FAM171A1: variants seen among roughly 807,000 people sequenced by gnomAD.
The protein encoded by FAM171A1 is family with sequence similarity 171 member A1.
A neutral mutation model predicts 74.9 loss-of-function variants in FAM171A1; 23 were observed. The observed-to-expected ratio is 0.31, with a 90% CI of 0.22 to 0.44. The LOEUF (loss-of-function observed/expected upper bound fraction) is 0.44, where lower values mean the gene tolerates loss of function less well. Among genes scored for constraint, FAM171A1 ranks in the 20% least tolerant of loss-of-function variants. The pLI is 1.00. For missense variants in FAM171A1, 1,162 were observed against 1,159.2 expected (o/e 1.00, Z -0.03); for synonymous variants, 527 against 505.7 (o/e 1.04, Z -0.57).
At chr10:15,238,668 C>T (rs1052156005) in intron 5 of FAM171A1, among the ~76,000 whole-genome samples, 26 of 152,120 alleles carry the variant, frequency 1.7e-4, no homozygotes, top group Admixed American at 4.6e-4. Flanking sequence ...TAACATTCAC[C>T]GTCTGAAGTG....
At chr10:15,241,664 G>A (rs1834365892) in intron 5 of FAM171A1, 1 of 151,958 alleles carries the variant, frequency 6.6e-6, no homozygotes, top group Non-Finnish European at 1.5e-5. Context: ...CTGACCTGAT[G>A]TTTTGATATA....
intron 1 of FAM171A1, among the ~76,000 whole-genome samples, chr10:15,351,321 A>G (rs756602399): frequency 1.3e-5 from 2 of 152,178 alleles, no homozygotes; most frequent in African/African-American, 2.4e-5. Context: ...TAAGCCCCCA[A>G]GAGAGATGAG....
chr10:15,275,473 T>G (rs1006822130), intron 3 of FAM171A1, among the ~76,000 whole-genome samples: 1 of 151,854 alleles, frequency 6.6e-6, no homozygotes, highest in African/African-American at 2.4e-5. Context: ...TTTTTTGTAT[T>G]TTTAGTAGAG....
intron 5 of FAM171A1, among the ~76,000 whole-genome samples, chr10:15,229,903 CCATCACCACCATCACCAACATCAT>C (rs1834180907): frequency 1.2e-5 from 1 of 81,368 alleles, no homozygotes; most frequent in African/African-American, 4.9e-5. Context: ...ACCATCATCA[CCATCACCACCATCACCAACATCAT>C]CATCATCACC....
intron 2 of FAM171A1, among the ~76,000 whole-genome samples, chr10:15,277,559 G>A (rs923520100): frequency 6.6e-6 from 1 of 152,130 alleles, no homozygotes; most frequent in Non-Finnish European, 1.5e-5. Flanking sequence ...CCATTTCACA[G>A]GTAAGGAAAC....
Position 15,214,335 on chromosome 10 carries a change from G to A in FAM171A1, c.1253C>T (p.Ser418Phe). 6.2e-7 allele frequency: 1 copy of A among 1,612,928 alleles called. No homozygotes were observed. The highest frequency in any genetic ancestry group is 1.1e-5 in the South Asian group (1 of 90,974). Reference sequence around the variant, plus strand: ...GCTAAATTCCTGGGAGGTGCTGTAGGAGAGCTTGAGCATGGGGGTGTGCAG... The same window carrying A: ...GCTAAATTCCTGGGAGGTGCTGTAGAAGAGCTTGAGCATGGGGGTGTGCAG... ...GDLHTPMLKL[S>F]YSTSQEFSSR... Residue 418 changes from serine (S) to phenylalanine (F), a missense_variant, in exon 8 of 8, where the codon TCC becomes TTC. Transcript: ENST00000378116.
At chr10:15,329,382 C>A (rs766290582) in intron 1 of FAM171A1, among the ~76,000 whole-genome samples, 4 of 152,082 alleles carry the variant, frequency 2.6e-5, no homozygotes, top group African/African-American at 9.7e-5. Context: ...GGCTTGGTGG[C>A]GCACAATTGT....
chr10:15,357,721 C>A (rs771254107), intron 1 of FAM171A1, among the ~76,000 whole-genome samples: 1 of 152,072 alleles, frequency 6.6e-6, no homozygotes, highest in Non-Finnish European at 1.5e-5. Flanking sequence ...TTAAAAGGCA[C>A]AGAATATGAT....
intron 6 of FAM171A1, among the ~76,000 whole-genome samples, chr10:15,219,738 C>T (rs183122167): frequency 7.2e-5 from 11 of 152,174 alleles, no homozygotes; most frequent in Admixed American, 2.0e-4. Flanking sequence ...TGTGCCACCA[C>T]GCCCAGCTAA....
At chr10:15,323,710 T>C (rs192720883) in intron 1 of FAM171A1, among the ~76,000 whole-genome samples, 49 of 152,192 alleles carry the variant, frequency 3.2e-4, no homozygotes, top group African/African-American at 1.1e-3. Flanking sequence ...ATCAGAACAG[T>C]TTTGTGAAAA....
At chr10:15,280,026 G>A (rs1486104933) in intron 2 of FAM171A1, among the ~76,000 whole-genome samples, 1 of 152,174 alleles carries the variant, frequency 6.6e-6, no homozygotes, top group Non-Finnish European at 1.5e-5. Flanking sequence ...GGTGGAGGGT[G>A]TAGTGAGCTG....
intron 4 of FAM171A1, among the ~76,000 whole-genome samples, chr10:15,251,142 G>A (rs750336098): frequency 3.9e-5 from 6 of 152,166 alleles, no homozygotes; most frequent in Non-Finnish European, 7.3e-5. Context: ...TGCATCTATG[G>A]AAATAAGTAC....
intron 5 of FAM171A1, among the ~76,000 whole-genome samples, chr10:15,246,080 C>T (rs1199249900): frequency 1.3e-5 from 2 of 152,108 alleles, no homozygotes; most frequent in African/African-American, 2.4e-5. Flanking sequence ...CCTTGATGCC[C>T]CCCAAATTAT....
At chr10:15,330,913 G>A (rs1262773186) in intron 1 of FAM171A1, among the ~76,000 whole-genome samples, 3 of 150,436 alleles carry the variant, frequency 2.0e-5, no homozygotes, top group Non-Finnish European at 4.4e-5. Flanking sequence ...TTTTGAGATG[G>A]AGTCCTCACT....
intron 1 of FAM171A1, among the ~76,000 whole-genome samples, chr10:15,325,084 C>T (rs535027880): frequency 6.6e-6 from 1 of 152,360 alleles, no homozygotes; most frequent in South Asian, 2.1e-4. Flanking sequence ...CTCCCCACTC[C>T]TTTCCTCCTT....
Position 15,286,639 on chromosome 10 carries a change from GA to G in FAM171A1, c.98-2535del, listed in dbSNP as rs80242289. ...TCCTACACTGGGGCAACCATATAGA[GA>G]AGAACTTCTTTTGGTTTGAGAATCT... is the stretch of plus-strand genomic sequence containing the variant. On this transcript the variant is annotated intron_variant, in intron 1 of 7. Transcript: ENST00000378116. 3.1e-3 allele frequency among the ~76,000 whole-genome samples: 478 copies of G among 152,254 alleles called. 9 individuals are homozygous for G. The East Asian group carries it at 0.036, about 11-fold the overall frequency.
chr10:15,303,014 C>A (rs1320745472), intron 1 of FAM171A1, among the ~76,000 whole-genome samples: 1 of 152,092 alleles, frequency 6.6e-6, no homozygotes, highest in Non-Finnish European at 1.5e-5. Context: ...TATGGTGAAA[C>A]CCCGTCTCTA....
intron 5 of FAM171A1, among the ~76,000 whole-genome samples, chr10:15,232,210 T>C (rs1178827727): frequency 1.3e-5 from 2 of 152,190 alleles, no homozygotes; most frequent in Admixed American, 6.5e-5. Context: ...CACTGACCAC[T>C]GTTGCTGCCA....
At chr10:15,222,047 C>T (rs902188774) in intron 5 of FAM171A1, among the ~76,000 whole-genome samples, 3 of 152,138 alleles carry the variant, frequency 2.0e-5, no homozygotes, top group African/African-American at 4.8e-5. Flanking sequence ...CTGAGGCCTG[C>T]GATGGCAGCT....
Sources: allele counts gnomAD v4.1 joint callset (sites outside exome capture counted in the v4.1 genomes callset), GRCh38; gene constraint gnomAD v4.1.1; transcripts MANE v1.5; gene names NCBI Gene and HGNC (gene_info 2026-07-23, HGNC 2026-07-21).